Variants in NTN1 observed in about 807,000 individuals in gnomAD.
The protein encoded by NTN1 is netrin-1.
Under a neutral mutation model 54.2 loss-of-function variants are expected in NTN1, and 11 were observed. That is an observed-to-expected ratio of 0.20 (90% CI 0.13 to 0.34). NTN1 has a LOEUF of 0.34. Among genes scored for constraint, NTN1 ranks in the 10% least tolerant of loss-of-function variants. NTN1 has a pLI of 1.00. For synonymous variants in NTN1, 371 were observed against 382.0 expected, an observed-to-expected ratio of 0.97 and a Z score of 0.33; for missense variants, 740 against 893.1, an observed-to-expected ratio of 0.83 and a Z score of 2.18.
chr17:9,192,535 C>T (rs1904489970), intron 5 of NTN1, among the ~76,000 whole-genome samples: 1 of 152,184 alleles, frequency 6.6e-6, no homozygotes, highest in South Asian at 2.1e-4. Context: ...GGGAGGGTGT[C>T]GCTGGCATCT....
At chr17:9,227,666 C>G (rs1168539594) in intron 6 of NTN1, among the ~76,000 whole-genome samples, 1 of 150,608 alleles carries the variant, frequency 6.6e-6, no homozygotes, top group South Asian at 2.1e-4. Flanking sequence ...ATACCACACA[C>G]ATCAGATATA....
intron 2 of NTN1, among the ~76,000 whole-genome samples, chr17:9,088,988 G>A (rs2092099256): frequency 6.6e-6 from 1 of 152,138 alleles, no homozygotes; most frequent in Admixed American, 6.5e-5. Flanking sequence ...CTGGATCCTG[G>A]GTGTCCGCCA....
intron 2 of NTN1, among the ~76,000 whole-genome samples, chr17:9,108,847 C>G (rs2092178811): frequency 6.6e-6 from 1 of 152,098 alleles, no homozygotes; most frequent in Non-Finnish European, 1.5e-5. Context: ...TCTTTCTCTT[C>G]AATGTTTTTC....
intron 6 of NTN1, among the ~76,000 whole-genome samples, chr17:9,238,014 G>A (rs1329560045): frequency 6.6e-6 from 1 of 152,152 alleles, no homozygotes; most frequent in Non-Finnish European, 1.5e-5. Context: ...CCTCACCCTG[G>A]AAGGATGACT....
chr17:9,019,657 G>A (rs535392797), upstream of NTN1, among the ~76,000 whole-genome samples: 1 of 152,230 alleles, frequency 6.6e-6, no homozygotes, highest in Non-Finnish European at 1.5e-5. Context: ...ACAGATGGAG[G>A]AAACCAAGGC....
Position 9,022,255 on chromosome 17 carries a change from C to G in NTN1, c.-63-56C>G, listed in dbSNP as rs1170386970. On this transcript the variant is annotated intron_variant, in intron 1 of 6. Coordinates refer to ENST00000173229, the MANE Select transcript of NTN1 (RefSeq NM_004822.3). ...CCCGCATCTCCGCTCGCCACCCCGC[C>G]GAGAGCTGGAGGGCGCGGGGCGGGC... The G allele has an allele frequency of 1.2e-5, 14 of 1,137,878 alleles. No homozygotes were observed. In the African/African-American group the frequency reaches 1.9e-4, roughly 16 times the overall value. 70.5% of individuals were successfully genotyped at this position (1,137,878 alleles called of 1,614,324 possible). A position where few individuals can be genotyped will look rare whatever the true frequency, so the allele number is the denominator to read the frequency against.
chr17:9,206,536 G>A (rs1297212661), intron 5 of NTN1, among the ~76,000 whole-genome samples: 2 of 152,112 alleles, frequency 1.3e-5, no homozygotes, highest in Non-Finnish European at 2.9e-5. Context: ...CCCCCTCCCA[G>A]AAGTCCACCC....
chr17:9,038,265 C>CACACACACA lies in NTN1; in HGVS notation c.1018+14874_1018+14875insACACACACA, dbSNP rs55982115. ...TGTCTTCTCCTCTCTTTCTCTCTCT[C>CACACACACA]CACACACACACACACCTGAGATCAC... is the stretch of plus-strand genomic sequence containing the variant. On this transcript the variant is annotated intron_variant, in intron 2 of 6. Transcript: ENST00000173229. Among the ~76,000 whole-genome samples the CACACACACA allele has an allele frequency of 8.5e-4, 122 of 144,174 alleles. 2 individuals are homozygous for CACACACACA. Among genetic ancestry groups the CACACACACA allele is most frequent in the Admixed American group, 1.7e-3 (25 of 14,404 alleles). The allele number at this position is 144,174 out of a possible 152,430, so 94.6% of individuals were successfully genotyped here.
intron 2 of NTN1, among the ~76,000 whole-genome samples, chr17:9,097,444 G>A (rs998350731): frequency 4.6e-5 from 7 of 152,096 alleles, no homozygotes; most frequent in African/African-American, 9.7e-5. Context: ...CCAACATGGT[G>A]AAACCTCATC....
chr17:9,012,455 G>T, the NTN1 span, among the ~76,000 whole-genome samples: 3 of 151,698 alleles, frequency 2.0e-5, no homozygotes, highest in African/African-American at 7.3e-5. Flanking sequence ...AGGTTGCAGT[G>T]AGCTGAGATC....
rs1157526103 is a variant in NTN1 at position 9,068,553 on chromosome 17, G to C, written c.1018+45162G>C. Among the ~76,000 whole-genome samples the C allele has an allele frequency of 2.7e-5, 4 of 150,372 alleles. No homozygotes were observed. The South Asian group carries it at 6.3e-4, about 24-fold the overall frequency. ...GAGATGGAGTTTCTCTCGTTGCCCAGGCTGGAGTGCAATGGTGCGATCTCG... is the reference window on the plus strand; with the variant it reads ...GAGATGGAGTTTCTCTCGTTGCCCACGCTGGAGTGCAATGGTGCGATCTCG... On this transcript the variant is annotated intron_variant, in intron 2 of 6. Transcript: ENST00000173229.
chr17:9,147,508 C>T (rs867660980), intron 2 of NTN1, among the ~76,000 whole-genome samples: 3 of 152,014 alleles, frequency 2.0e-5, no homozygotes, highest in African/African-American at 4.8e-5. Flanking sequence ...AGAGAGACTC[C>T]GTCTCAAAAA....
At chr17:9,065,743 T>C (rs1370244411) in intron 2 of NTN1, among the ~76,000 whole-genome samples, 1 of 152,236 alleles carries the variant, frequency 6.6e-6, no homozygotes, top group Non-Finnish European at 1.5e-5. Flanking sequence ...CTGGGCTCTG[T>C]GGCCTCTCAG....
chr17:9,213,516 C>T (rs1905155987), intron 5 of NTN1, among the ~76,000 whole-genome samples: 1 of 152,172 alleles, frequency 6.6e-6, no homozygotes, highest in African/African-American at 2.4e-5. Context: ...GGATGGGAAA[C>T]TGTGGGGCAT....
At chr17:9,087,992 A>G (rs2092095123) in intron 2 of NTN1, among the ~76,000 whole-genome samples, 1 of 152,212 alleles carries the variant, frequency 6.6e-6, no homozygotes, top group African/African-American at 2.4e-5. Context: ...GAATGGAGCC[A>G]CTTTGTCCCA....
intron 2 of NTN1, among the ~76,000 whole-genome samples, chr17:9,059,467 A>G (rs2091989340): frequency 6.6e-6 from 1 of 152,232 alleles, no homozygotes; most frequent in African/African-American, 2.4e-5. Context: ...TATCCACCCT[A>G]CGTAATATCA....
At chr17:9,205,640 G>A (rs1463999200) in intron 5 of NTN1, among the ~76,000 whole-genome samples, 1 of 152,178 alleles carries the variant, frequency 6.6e-6, no homozygotes, top group Non-Finnish European at 1.5e-5. Flanking sequence ...GAGAGAGAAG[G>A]GGCAGCTCCT....
chr17:9,203,033 T>C (rs1214809671), intron 5 of NTN1, among the ~76,000 whole-genome samples: 1 of 152,226 alleles, frequency 6.6e-6, no homozygotes, highest in East Asian at 1.9e-4. Flanking sequence ...ACCATTCTCC[T>C]GCCTCAGCCT....
chr17:9,033,722 A>G (rs192213786), intron 2 of NTN1, among the ~76,000 whole-genome samples: 2,789 of 152,294 alleles, frequency 0.018, 97 homozygotes, highest in African/African-American at 0.064. Context: ...GTTCGAGACC[A>G]GCCAGACCAA....
Sources: allele counts gnomAD v4.1 joint callset (sites outside exome capture counted in the v4.1 genomes callset), GRCh38; gene constraint gnomAD v4.1.1; transcripts MANE v1.5; gene names NCBI Gene and HGNC (gene_info 2026-07-23, HGNC 2026-07-21).